Variants in RIMS2 observed in about 807,000 individuals in gnomAD.
RIMS2 encodes the protein regulating synaptic membrane exocytosis 2.
A neutral mutation model predicts 174.4 loss-of-function variants in RIMS2; 59 were observed. The observed-to-expected ratio is 0.34, with a 90% confidence interval of 0.27 to 0.42. The LOEUF is 0.42. Among genes scored for constraint, RIMS2 ranks in the 10% least tolerant of loss-of-function variants. The probability of loss-of-function intolerance (pLI) is 1.00; values close to 1 mark genes in which losing one functional copy is unlikely to be tolerated. For missense variants in RIMS2, 1,620 were observed against 1,666.3 expected (o/e 0.97, Z 0.48); for synonymous variants, 606 against 572.5 (o/e 1.06, Z -0.84).
downstream of RIMS2, chr8:104,255,645 G>C (rs72667411): frequency 0.2 from 30,650 of 152,096 alleles, 3,379 homozygotes; most frequent in Middle Eastern, 0.25. Flanking sequence ...TTAGGCAAGA[G>C]ATCACCAAAG....
intron 1 of RIMS2, among the ~76,000 whole-genome samples, chr8:103,611,436 C>T (rs2095363187): frequency 6.6e-6 from 1 of 151,662 alleles, no homozygotes; most frequent in African/African-American, 2.4e-5. Flanking sequence ...TGCCCATTAA[C>T]ATTTGTGTTT....
chr8:104,254,999 A>T (rs923110081), downstream of RIMS2: 3 of 152,204 alleles, frequency 2.0e-5, no homozygotes, highest in Admixed American at 1.3e-4. Flanking sequence ...CGATTCCTCA[A>T]CTGGGAGAAG....
intron 19 of RIMS2, 37 bp downstream of exon 21, chr8:104,014,652 C>T (rs774599790): frequency 4.0e-6 from 5 of 1,258,382 alleles, no homozygotes; most frequent in Non-Finnish European, 5.8e-6. Context: ...TTAGGAAATA[C>T]ACATGGAAGC....
At chr8:103,547,596 G>A (rs1053762292) in intron 1 of RIMS2, among the ~76,000 whole-genome samples, 1 of 151,990 alleles carries the variant, frequency 6.6e-6, no homozygotes, top group Admixed American at 6.6e-5. Context: ...CATAGCGAGA[G>A]GAACTAGAGA....
chr8:103,502,918 CA>C (rs1821095406), intron 1 of RIMS2, among the ~76,000 whole-genome samples: 1 of 151,782 alleles, frequency 6.6e-6, no homozygotes, highest in African/African-American at 2.4e-5. Flanking sequence ...TAGGATTATT[CA>C]AAATGAACAG....
At chr8:103,736,894 A>G (rs900157359) in intron 2 of RIMS2, among the ~76,000 whole-genome samples, 1 of 152,158 alleles carries the variant, frequency 6.6e-6, no homozygotes, top group African/African-American at 2.4e-5. Context: ...TGAATTGTGA[A>G]TTATTGGGCT....
At chr8:104,142,109 T>C (rs2098584001) in intron 19 of RIMS2, among the ~76,000 whole-genome samples, 1 of 148,622 alleles carries the variant, frequency 6.7e-6, no homozygotes, top group Admixed American at 6.9e-5. Flanking sequence ...TATTTCAAAG[T>C]AAATATCTTC....
intron 19 of RIMS2, among the ~76,000 whole-genome samples, chr8:104,183,710 G>A (rs907098366): frequency 4.0e-5 from 6 of 151,558 alleles, no homozygotes; most frequent in African/African-American, 1.5e-4. Flanking sequence ...GCTCATCAGA[G>A]TATAAAATAA....
Position 104,014,494 on chromosome 8 carries a change from G to A in RIMS2, c.3225-12G>A, listed in dbSNP as rs373950463. 1.5e-5 allele frequency: 22 copies of A among 1,455,918 alleles called. No individual in the cohort carries two copies. In the African/African-American group the frequency reaches 2.4e-4, roughly 16 times the overall value. The allele number at this position is 1,455,918 out of a possible 1,614,324, so 90.2% of individuals were successfully genotyped here. On this transcript the variant is annotated splice_polypyrimidine_tract_variant and intron_variant, in intron 18 of 23. Transcript: ENST00000504942. ...ATTATACTGAAAATGAATATTAATG[G>A]TGTGTCTTTAGGTCTCATCCTCGTA...
At chr8:103,967,348 ATC>A (rs1210380103) in intron 15 of RIMS2, among the ~76,000 whole-genome samples, 1 of 151,100 alleles carries the variant, frequency 6.6e-6, no homozygotes, top group Non-Finnish European at 1.5e-5. Flanking sequence ...GTGCCACTAC[ATC>A]TGGCTAATTT....
chr8:103,780,024 C>G (rs926045461), intron 3 of RIMS2, among the ~76,000 whole-genome samples: 1 of 152,040 alleles, frequency 6.6e-6, no homozygotes, highest in African/African-American at 2.4e-5. Context: ...GATTTGGTTA[C>G]CATAGCTTTG....
At chr8:103,535,826 G>A (rs970832052) in intron 1 of RIMS2, among the ~76,000 whole-genome samples, 5 of 152,322 alleles carry the variant, frequency 3.3e-5, no homozygotes, top group Middle Eastern at 3.4e-3. Flanking sequence ...GAGCTAACAT[G>A]TATAGAGCAG....
At chr8:103,744,350 T>G (rs1241032144) in intron 2 of RIMS2, among the ~76,000 whole-genome samples, 2 of 152,178 alleles carry the variant, frequency 1.3e-5, no homozygotes, top group African/African-American at 4.8e-5. Flanking sequence ...AGCTAGGATT[T>G]TTATATTTAA....
chr8:103,614,073 C>T (rs1164721409), intron 1 of RIMS2, among the ~76,000 whole-genome samples: 2 of 152,226 alleles, frequency 1.3e-5, no homozygotes, highest in Admixed American at 1.3e-4. Flanking sequence ...CTCCTTAGTC[C>T]TCTGGCTCTG....
intron 1 of RIMS2, among the ~76,000 whole-genome samples, chr8:103,542,954 C>G (rs1843202323): frequency 6.6e-6 from 1 of 152,104 alleles, no homozygotes; most frequent in Non-Finnish European, 1.5e-5. Flanking sequence ...CCTGTAAGAT[C>G]AGGAATAAGA....
Position 103,810,278 on chromosome 8 carries a change from G to A in RIMS2, c.698+43741G>A, listed in dbSNP as rs572235223. Among the ~76,000 whole-genome samples, 19 of 152,196 alleles carry A rather than the reference G, an allele frequency of 1.2e-4. No homozygotes were observed. In the South Asian group the frequency reaches 3.9e-3, roughly 32 times the overall value. ...TGTATTAGTTCTAGTGGCCTCCTGG[G>A]CTATGCTGACAAGGAAGGTGGGCAG... On this transcript the variant is annotated intron_variant, in intron 3 of 23. Transcript: ENST00000504942.
intron 19 of RIMS2, among the ~76,000 whole-genome samples, chr8:104,144,354 C>T (rs1464157217): frequency 7.9e-5 from 12 of 152,224 alleles, no homozygotes; most frequent in Admixed American, 5.2e-4. Context: ...ACCGAACACC[C>T]TATATCAACA....
intron 10 of RIMS2, chr8:103,922,652 A>T (rs1394791166): frequency 5.0e-6 from 2 of 402,934 alleles, no homozygotes; most frequent in Non-Finnish European, 1.0e-5. Context: ...GTTACAGTTA[A>T]AAACTAAATT....
At chr8:104,110,673 T>C (rs146769442) in intron 19 of RIMS2, among the ~76,000 whole-genome samples, 1 of 152,166 alleles carries the variant, frequency 6.6e-6, no homozygotes, top group East Asian at 1.9e-4. Context: ...CTTAGAAATA[T>C]AAAATTGAAT....
Sources: gnomAD v4.1 joint callset for allele counts (sites outside exome capture counted in the v4.1 genomes callset) on GRCh38, gnomAD v4.1.1 for gene constraint, MANE v1.5 for transcripts, NCBI Gene and HGNC (gene_info 2026-07-23, HGNC 2026-07-21) for gene names.